The following NBAS variants were observed in gnomAD, a reference collection of about 807,000 sequenced individuals.
NBAS encodes NBAS subunit of NRZ tethering complex.
NBAS carries 219 observed loss-of-function variants against 302.5 expected under a neutral mutation model. The ratio of observed to expected loss-of-function variants is 0.72; its 90% CI spans 0.65 to 0.81. The LOEUF (loss-of-function observed/expected upper bound fraction) is 0.81, where lower values mean the gene tolerates loss of function less well. NBAS is among the 30% of genes least tolerant of loss of function. NBAS has a pLI of 0.00. For synonymous variants in NBAS, 1,118 were observed against 1,021.6 expected (o/e 1.09, Z -1.80); for missense variants, 2,932 against 2,841.6 (o/e 1.03, Z -0.72).
chr2:14,866,051 G>A, the NBAS span, among the ~76,000 whole-genome samples: 4 of 152,066 alleles, frequency 2.6e-5, no homozygotes, highest in African/African-American at 9.7e-5. Context: ...GCCACTACAT[G>A]AGAGGTGGGA....
At chr2:14,944,331 C>CA in the NBAS span, among the ~76,000 whole-genome samples, 394 of 144,856 alleles carry the variant, frequency 2.7e-3, 2 homozygotes, top group African/African-American at 9.8e-3. Flanking sequence ...AACAAAAAAA[C>CA]AAAAAACTGC....
chr2:15,285,509 T>C (rs1223439868), intron 42 of NBAS, among the ~76,000 whole-genome samples: 1 of 152,296 alleles, frequency 6.6e-6, no homozygotes, highest in Non-Finnish European at 1.5e-5. Context: ...ATCCACAACA[T>C]CACTATTTCT....
the NBAS span, among the ~76,000 whole-genome samples, chr2:14,887,399 C>CA: frequency 0.023 from 1,906 of 84,538 alleles, 88 homozygotes; most frequent in African/African-American, 0.058. Context: ...TGAGACTCCT[C>CA]AAAAAAAAAA....
At chr2:15,440,970 G>C (rs957747266) in intron 21 of NBAS, among the ~76,000 whole-genome samples, 5 of 152,126 alleles carry the variant, frequency 3.3e-5, no homozygotes, top group African/African-American at 7.2e-5. Flanking sequence ...AGAATAAAAA[G>C]AAACGAACAA....
intron 16 of NBAS, among the ~76,000 whole-genome samples, chr2:15,472,649 C>T (rs935908692): frequency 6.6e-5 from 10 of 152,102 alleles, no homozygotes; most frequent in Admixed American, 3.3e-4. Flanking sequence ...CCTTGGCAAC[C>T]GTGGACCAGC....
At chr2:15,164,757 G>A (rs767793935), downstream of NBAS, among the ~76,000 whole-genome samples, 4 of 152,178 alleles carry the variant, frequency 2.6e-5, no homozygotes, top group Admixed American at 6.5e-5. Flanking sequence ...AAAGAGGAAC[G>A]CAGCGTTCTA....
At chr2:14,940,671 C>T in the NBAS span, among the ~76,000 whole-genome samples, 6 of 152,174 alleles carry the variant, frequency 3.9e-5, no homozygotes, top group Non-Finnish European at 8.8e-5. Context: ...CAACACAATG[C>T]CTCCCACTAC....
intron 48 of NBAS, among the ~76,000 whole-genome samples, chr2:15,210,817 G>T (rs1666371659): frequency 6.6e-6 from 1 of 152,176 alleles, no homozygotes; most frequent in African/African-American, 2.4e-5. Context: ...CCTGAGATCT[G>T]CAACAACACA....
At position 15,468,348 on chromosome 2, in the gene NBAS, C is replaced by T. The variant is rs112999660; in HGVS notation, c.1877+34G>A. On this transcript the variant is annotated intron_variant, in intron 17 of 51. Transcript: ENST00000281513. ...AGTACAAAAGTTTTCACAAAGTCAC[C>T]TTTACTTTGAATCCAATTCTTTCTG... 1.6e-3 allele frequency: 2,522 copies of T among 1,612,630 alleles called. 25 individuals are homozygous for T. The African/African-American group carries it at 0.02, about 13-fold the overall frequency.
the NBAS span, among the ~76,000 whole-genome samples, chr2:15,142,249 A>G: frequency 6.6e-6 from 1 of 152,350 alleles, no homozygotes; most frequent in Middle Eastern, 3.4e-3. Flanking sequence ...AGGAGATAAT[A>G]GAGCAACTGA....
rs1664063544 is a variant in NBAS at position 15,167,184 on chromosome 2, G to C, written c.6980C>G (p.Ala2327Gly). ...LASLQQGRWD[A>G]EELGRHLREA... ...CCGCAGGTGTCTGCCCAGCTCCTCT[G>C]CATCCCAGCGCCCTTGCTGGAGGCT... The change falls in exon 52 of 52, where the codon GCA becomes GGA. Residue 2327 changes from alanine to glycine, a missense_variant. Coordinates refer to ENST00000281513, the MANE Select transcript of NBAS (RefSeq NM_015909.4). The C allele has an allele frequency of 6.2e-7, 1 of 1,614,246 alleles. No individual in the cohort carries two copies. Among genetic ancestry groups the C allele is most frequent in the Non-Finnish European group, 8.5e-7 (1 of 1,180,058 alleles).
intron 21 of NBAS, among the ~76,000 whole-genome samples, chr2:15,451,997 TAAAA>T (rs754723466): frequency 7.3e-6 from 1 of 136,798 alleles, no homozygotes; most frequent in Non-Finnish European, 1.6e-5. Context: ...AACATTACGC[TAAAA>T]AAAAAAAAAA....
intron 30 of NBAS, among the ~76,000 whole-genome samples, chr2:15,375,774 T>G (rs1674705605): frequency 1.3e-5 from 2 of 152,142 alleles, no homozygotes; most frequent in Non-Finnish European, 2.9e-5. Context: ...ACTACCAAAT[T>G]GTTTTTAAAA....
chr2:15,229,755 C>T (rs1324086851), intron 47 of NBAS, among the ~76,000 whole-genome samples: 1 of 150,854 alleles, frequency 6.6e-6, no homozygotes, highest in Non-Finnish European at 1.5e-5. Flanking sequence ...GTACTTCCAG[C>T]CTGGCCAACA....
the NBAS span, among the ~76,000 whole-genome samples, chr2:14,840,113 C>A: frequency 6.6e-6 from 1 of 151,622 alleles, no homozygotes. Flanking sequence ...AAACAGAAAT[C>A]TTGGAACTAA....
chr2:15,144,182 C>T, the NBAS span, among the ~76,000 whole-genome samples: 5 of 151,834 alleles, frequency 3.3e-5, 1 homozygote, highest in East Asian at 9.7e-4. Flanking sequence ...AACACATATG[C>T]ACACACAGTG....
In NBAS at chr2:15,218,753, T is replaced by A; in HGVS notation, c.6432+20A>T. 1 of 1,614,150 alleles carries A rather than the reference T, an allele frequency of 6.2e-7. No homozygotes were observed. The highest frequency in any genetic ancestry group is 8.5e-7 in the Non-Finnish European group (1 of 1,179,972). On this transcript the variant is annotated intron_variant, in intron 48 of 51. Coordinates refer to ENST00000281513, the MANE Select transcript of NBAS (RefSeq NM_015909.4). ...TAATTATTGTTAGTAAGAAAAATAATCATTCAGACACTCCCTTACCTGTCT... is the reference window on the plus strand; with the variant it reads ...TAATTATTGTTAGTAAGAAAAATAAACATTCAGACACTCCCTTACCTGTCT...
chr2:15,365,602 C>A (rs1674159113), intron 32 of NBAS, among the ~76,000 whole-genome samples: 1 of 152,156 alleles, frequency 6.6e-6, no homozygotes, highest in Non-Finnish European at 1.5e-5. Context: ...GGATGACTGG[C>A]CCCAGTCACA....
At chr2:15,483,695 A>G (rs976710071) in intron 12 of NBAS, among the ~76,000 whole-genome samples, 5 of 152,198 alleles carry the variant, frequency 3.3e-5, no homozygotes, top group Non-Finnish European at 4.4e-5. Context: ...TTCCACAACT[A>G]TCTTTAATCA....
Sources: allele counts gnomAD v4.1 joint callset (sites outside exome capture counted in the v4.1 genomes callset), GRCh38; gene constraint gnomAD v4.1.1; transcripts MANE v1.5; gene names NCBI Gene and HGNC (gene_info 2026-07-23, HGNC 2026-07-21).